ACTN1: variants seen among roughly 807,000 people sequenced by gnomAD.
The protein encoded by ACTN1 is actinin alpha 1.
Under a neutral mutation model 119.6 loss-of-function variants are expected in ACTN1, and 30 were observed. The observed-to-expected ratio is 0.25, with a 90% CI of 0.19 to 0.34. ACTN1 has a LOEUF of 0.34. Among genes scored for constraint, ACTN1 ranks in the 10% least tolerant of loss-of-function variants. The pLI is 1.00. For missense variants in ACTN1, 764 were observed against 1,223.4 expected (o/e 0.62, Z 5.60); for synonymous variants, 429 against 472.6 (o/e 0.91, Z 1.20).
chr14:68,904,962 G>C (rs982107080), intron 6 of ACTN1, among the ~76,000 whole-genome samples: 6 of 152,224 alleles, frequency 3.9e-5, no homozygotes, highest in Non-Finnish European at 8.8e-5. Context: ...CAGATTGTCA[G>C]GAAAATGGGG....
rs1393941444 is a variant in ACTN1 at position 68,890,135 on chromosome 14, T to C, written c.1234+4A>G. 6.2e-7 allele frequency: 1 copy of C among 1,610,884 alleles called. No individual in the cohort carries two copies. The highest frequency in any genetic ancestry group is 8.5e-7 in the Non-Finnish European group (1 of 1,178,778). The stretch of plus-strand genomic sequence containing the variant: ...GGGGAGGCAGGAGGCTGGGCTGGCC[T>C]CACCGTCAGTCCAGGCCTCGTGGAT... On this transcript the variant is annotated splice_donor_region_variant and intron_variant, in intron 11 of 21. Transcript: ENST00000394419.
At chr14:68,914,029 C>A (rs779632992) in intron 3 of ACTN1, among the ~76,000 whole-genome samples, 8 of 152,028 alleles carry the variant, frequency 5.3e-5, no homozygotes, top group Non-Finnish European at 1.0e-4. Context: ...TCAAGACCAG[C>A]CTGGGCAACA....
In ACTN1 at chr14:68,950,462, G is replaced by GTGTGTGTGTGTGTGTGTGTGTGTATA; in HGVS notation, c.106-24791_106-24790insTATACACACACACACACACACACACA. Among the ~76,000 whole-genome samples, 14 of 125,934 alleles carry GTGTGTGTGTGTGTGTGTGTGTGTATA rather than the reference G, an allele frequency of 1.1e-4. 2 individuals are homozygous for GTGTGTGTGTGTGTGTGTGTGTGTATA. Among genetic ancestry groups the GTGTGTGTGTGTGTGTGTGTGTGTATA allele is most frequent in the African/African-American group, 5.8e-4 (14 of 24,332 alleles). 82.6% of individuals were successfully genotyped at this position (125,934 alleles called of 152,430 possible). ...TTTACCATAATATATATGCGTGTGT[G>GTGTGTGTGTGTGTGTGTGTGTGTATA]TATATATATATATATAAATCAAACA... On this transcript the variant is annotated intron_variant, in intron 1 of 21. Transcript: ENST00000394419.
At position 68,879,361 on chromosome 14, in the gene ACTN1, G is replaced by GC. The variant is rs1429939908; in HGVS notation, c.2281-293dup. On this transcript the variant is annotated intron_variant, in intron 18 of 21. Transcript: ENST00000394419. The surrounding 1 kb of genome is among the most constrained non-coding windows in gnomAD (Gnocchi z 4.9). ...GAGAAGCTCCCTCAGAAGTGACCCA[G>GC]CCCCCCCGCTTCCCCAGGGGCTTCC... 1.3e-5 allele frequency among the ~76,000 whole-genome samples: 2 copies of GC among 151,950 alleles called. No individual in the cohort carries two copies. Among genetic ancestry groups the GC allele is most frequent in the African/African-American group, 2.4e-5 (1 of 41,374 alleles).
intron 1 of ACTN1, among the ~76,000 whole-genome samples, chr14:68,971,789 T>A (rs975903881): frequency 6.6e-6 from 1 of 152,188 alleles, no homozygotes; most frequent in Non-Finnish European, 1.5e-5. Flanking sequence ...ACCCCAGAAG[T>A]AGCCTGCTGT....
In ACTN1 at chr14:68,979,125, G is replaced by A; in HGVS notation, c.-69C>T. 2 of 1,166,278 alleles carry A rather than the reference G, an allele frequency of 1.7e-6. No homozygotes were observed. Among genetic ancestry groups the A allele is most frequent in the South Asian group, 2.6e-5 (2 of 76,948 alleles). 72.2% of individuals were successfully genotyped at this position (1,166,278 alleles called of 1,614,324 possible). A position where few individuals can be genotyped will look rare whatever the true frequency, so the allele number is the denominator to read the frequency against. The stretch of plus-strand genomic sequence containing the variant: ...CTCTCTGAGCAACGGCTGCTGCCCT[G>A]GCGTGGGGAGGGAGTAGGGCTGGGC... On this transcript the variant is annotated 5_prime_UTR_variant, in exon 1 of 22. Transcript: ENST00000394419.
At chr14:68,961,559 C>T (rs979472957) in intron 1 of ACTN1, among the ~76,000 whole-genome samples, 4 of 152,110 alleles carry the variant, frequency 2.6e-5, no homozygotes, top group Non-Finnish European at 5.9e-5. Context: ...GCACAGGGCG[C>T]GGGGGCACGG....
At chr14:68,928,300 A>T (rs1228704605) in intron 1 of ACTN1, among the ~76,000 whole-genome samples, 4 of 152,148 alleles carry the variant, frequency 2.6e-5, no homozygotes, top group African/African-American at 9.7e-5. Flanking sequence ...GAAACAAAAC[A>T]CACCTATGTT....
intron 8 of ACTN1, among the ~76,000 whole-genome samples, chr14:68,899,531 T>TCA (rs1450816278): frequency 6.9e-6 from 1 of 145,484 alleles, no homozygotes; most frequent in Non-Finnish European, 1.5e-5. Flanking sequence ...CACACACACC[T>TCA]CACACACACC....
rs531548402 is a variant in ACTN1 at position 68,924,187 on chromosome 14, C to T, written c.220+1371G>A. ...GACGATGAAGAGCCCTGAAGGTGGA[C>T]GGTGGCGATGGCTGCACAACAGTCA... On this transcript the variant is annotated intron_variant, in intron 2 of 21. Coordinates refer to ENST00000394419, the MANE Select transcript of ACTN1 (RefSeq NM_001130004.2). Among the ~76,000 whole-genome samples the T allele has an allele frequency of 2.0e-5, 3 of 152,300 alleles. No individual in the cohort carries two copies. The East Asian group carries it at 5.8e-4, about 29-fold the overall frequency.
intron 3 of ACTN1, 31 bp from the exon 4 acceptor site, chr14:68,912,273 AG>A (rs2034052889): frequency 6.3e-7 from 1 of 1,590,412 alleles, no homozygotes; most frequent in Admixed American, 1.7e-5. Flanking sequence ...CACATCAGAA[AG>A]GGCCTCAGCG....
intron 2 of ACTN1, 81 bp from the exon 3 acceptor site, chr14:68,921,206 C>T (rs2034626352): frequency 1.3e-6 from 2 of 1,549,118 alleles, no homozygotes; most frequent in African/African-American, 2.7e-5. Context: ...CACCCTCATC[C>T]AAAGCACAGC....
At chr14:68,902,361 G>A (rs560695540) in intron 8 of ACTN1, 116 bp downstream of exon 8, 40 of 899,388 alleles carry the variant, frequency 4.4e-5, no homozygotes, top group Non-Finnish European at 6.3e-5. Context: ...CTCTGTCCGA[G>A]AGACCAGACC....
At chr14:68,936,420 G>C (rs2035513141) in intron 1 of ACTN1, among the ~76,000 whole-genome samples, 1 of 152,162 alleles carries the variant, frequency 6.6e-6, no homozygotes, top group African/African-American at 2.4e-5. Context: ...AGAGAAATGG[G>C]AAGGCAGGGG....
chr14:68,960,223 G>A (rs888092126), intron 1 of ACTN1, among the ~76,000 whole-genome samples: 11 of 152,048 alleles, frequency 7.2e-5, no homozygotes, highest in Non-Finnish European at 1.3e-4. Flanking sequence ...AGGCACAGTC[G>A]GTATAACTTT....
chr14:68,892,350 C>T (rs2032562294), intron 9 of ACTN1, 67 bp from the exon 10 acceptor site: 1 of 1,511,958 alleles, frequency 6.6e-7, no homozygotes, highest in East Asian at 2.3e-5. Flanking sequence ...GGGCCAGCCT[C>T]CCTTTCCTCC....
chr14:68,914,868 T>C (rs568572048), intron 3 of ACTN1, among the ~76,000 whole-genome samples: 45 of 152,202 alleles, frequency 3.0e-4, no homozygotes, highest in Admixed American at 2.0e-3. Flanking sequence ...TGTAAATTGG[T>C]TTAAAAAACA....
intron 1 of ACTN1, among the ~76,000 whole-genome samples, chr14:68,938,074 T>C (rs2035608622): frequency 6.6e-6 from 1 of 152,202 alleles, no homozygotes; most frequent in African/African-American, 2.4e-5. Context: ...TGATCTCAGA[T>C]GCCCAGTGTT....
rs71102619 is a variant in ACTN1, at chr14:68,932,539, T to TTA, written c.106-6868_106-6867insTA. 1.9e-3 allele frequency among the ~76,000 whole-genome samples: 219 copies of TTA among 117,188 alleles called. 8 individuals are homozygous for TTA. The highest frequency in any genetic ancestry group is 2.8e-3 in the Non-Finnish European group (166 of 58,992). 76.9% of individuals were successfully genotyped at this position (117,188 alleles called of 152,430 possible). On this transcript the variant is annotated intron_variant, in intron 1 of 21. Transcript: ENST00000394419. The stretch of plus-strand genomic sequence containing the variant: ...TTTTTTTTTTTTTTTTTTTTTTTTT[T>TTA]AATTTTTCTTGGAGACTGGGTCTCT...
Sources: allele counts gnomAD v4.1 joint callset (sites outside exome capture counted in the v4.1 genomes callset), GRCh38; gene constraint gnomAD v4.1.1; non-coding constraint Gnocchi (gnomAD v3.1); transcripts MANE v1.5; gene names NCBI Gene and HGNC (gene_info 2026-07-23, HGNC 2026-07-21).